The following ASXL1 variants were observed in gnomAD, a reference collection of about 807,000 sequenced individuals.
The protein encoded by ASXL1 is polycomb group protein ASXL1.
Under a neutral mutation model 89.1 loss-of-function variants are expected in ASXL1, and 65 were observed. The ratio of observed to expected loss-of-function variants is 0.73; its 90% CI spans 0.60 to 0.90. The LOEUF (loss-of-function observed/expected upper bound fraction) is 0.90. Ranked by LOEUF, ASXL1 falls within the 40% of genes least tolerant of loss-of-function variation. The pLI is 0.00. For missense variants in ASXL1, 1,786 were observed against 1,942.9 expected (o/e 0.92, Z 1.52); for synonymous variants, 739 against 746.9 (o/e 0.99, Z 0.17).
chr20:32,381,892 T>C (rs1044914149), intron 4 of ASXL1, among the ~76,000 whole-genome samples: 10 of 151,996 alleles, frequency 6.6e-5, no homozygotes, highest in Non-Finnish European at 1.3e-4. Context: ...TAGAATGTGC[T>C]TTCTTTTTAG....
At chr20:32,432,721 T>C in intron 10 of ASXL1, 159 bp from the exon 11 acceptor site, 1 of 856,296 alleles carries the variant, frequency 1.2e-6, no homozygotes, top group Non-Finnish European at 1.8e-6. Context: ...AGAGTGAATT[T>C]CCCTTATAGT....
At chr20:32,413,398 A>G (rs1361512598) in intron 4 of ASXL1, among the ~76,000 whole-genome samples, 3 of 152,206 alleles carry the variant, frequency 2.0e-5, no homozygotes, top group Non-Finnish European at 4.4e-5. Flanking sequence ...ATTTGTAATC[A>G]TGTTATATTT....
chr20:32,401,467 T>TA (rs911977326), intron 4 of ASXL1, among the ~76,000 whole-genome samples: 1 of 152,040 alleles, frequency 6.6e-6, no homozygotes, highest in African/African-American at 2.4e-5. Flanking sequence ...TCTGTGGTGA[T>TA]ATGTTCTAAG....
intron 10 of ASXL1, 191 bp from the exon 11 acceptor site, chr20:32,432,689 T>C: frequency 1.6e-6 from 1 of 626,168 alleles, no homozygotes; most frequent in Non-Finnish European, 2.7e-6. Context: ...GATCAAGGAG[T>C]TGCTTGGTCT....
At chr20:32,399,747 C>CTTTTTTTTTT (rs369127811) in intron 4 of ASXL1, among the ~76,000 whole-genome samples, 2 of 73,888 alleles carry the variant, frequency 2.7e-5, no homozygotes, top group Non-Finnish European at 4.8e-5. Context: ...ATATTTTACT[C>CTTTTTTTTTT]TTTTTTTTTT....
chr20:32,400,393 TC>T (rs1299862378), intron 4 of ASXL1, among the ~76,000 whole-genome samples: 1 of 152,188 alleles, frequency 6.6e-6, no homozygotes, highest in African/African-American at 2.4e-5. Context: ...AACCGTTGAT[TC>T]CTTTAGGTCT....
chr20:32,365,988 G>T (rs535569436), intron 1 of ASXL1, among the ~76,000 whole-genome samples: 9 of 151,800 alleles, frequency 5.9e-5, no homozygotes, highest in Non-Finnish European at 1.0e-4. Flanking sequence ...GTGTGTGTGT[G>T]TATATATATA....
chr20:32,438,645 C>T lies in ASXL1; in HGVS notation c.*1307C>T, dbSNP rs2012060490. Reference sequence around the variant, plus strand: ...GCTTGCTGCCATATGTGACAAATCACCACCACCAGTGTTAAGTGCTTCTGG... The same window carrying T: ...GCTTGCTGCCATATGTGACAAATCATCACCACCAGTGTTAAGTGCTTCTGG... On this transcript the variant is annotated 3_prime_UTR_variant, in exon 13 of 13. Transcript: ENST00000375687. The T allele has an allele frequency of 4.3e-6, 1 of 233,576 alleles. No individual in the cohort carries two copies. The highest frequency in any genetic ancestry group is 8.5e-6 in the Non-Finnish European group (1 of 118,020). 14.5% of individuals were successfully genotyped at this position (233,576 alleles called of 1,614,324 possible).
chr20:32,405,492 A>G (rs1436423985), intron 4 of ASXL1, among the ~76,000 whole-genome samples: 1 of 152,184 alleles, frequency 6.6e-6, no homozygotes, highest in Non-Finnish European at 1.5e-5. Flanking sequence ...ACACTGAGTC[A>G]TTATTACCAT....
intron 4 of ASXL1, among the ~76,000 whole-genome samples, chr20:32,403,587 A>G (rs548738000): frequency 8.6e-5 from 13 of 151,736 alleles, no homozygotes; most frequent in Admixed American, 2.6e-4. Flanking sequence ...GCTAATTTTT[A>G]CTTTTTTTGT....
chr20:32,421,870 T>TC lies in ASXL1; in HGVS notation c.253-6258_253-6257insC, dbSNP rs199726995. Among the ~76,000 whole-genome samples, 1,125 of 129,458 alleles carry TC rather than the reference T, an allele frequency of 8.7e-3. 44 individuals are homozygous for TC. Among genetic ancestry groups the TC allele is most frequent in the Admixed American group, 0.061 (822 of 13,408 alleles). 84.9% of individuals were successfully genotyped at this position (129,458 alleles called of 152,430 possible). ...GTGAGAGGGGTGGTTTCTTTTCTTT[T>TC]TTTTTTTTTTTTTTTTGAGACGGAG... On this transcript the variant is annotated intron_variant, in intron 4 of 12. Transcript: ENST00000375687.
chr20:32,397,208 C>CT (rs375250828), intron 4 of ASXL1, among the ~76,000 whole-genome samples: 289 of 24,954 alleles, frequency 0.012, 24 homozygotes, highest in South Asian at 0.05. Flanking sequence ...CCATGCCTGG[C>CT]CTTTTTTTTT....
At chr20:32,417,209 A>G (rs2049153460) in intron 4 of ASXL1, among the ~76,000 whole-genome samples, 1 of 152,222 alleles carries the variant, frequency 6.6e-6, no homozygotes. Context: ...TGCATATATT[A>G]ACATTCTAAA....
chr20:32,413,962 C>T (rs1201656059), intron 4 of ASXL1, among the ~76,000 whole-genome samples: 1 of 152,148 alleles, frequency 6.6e-6, no homozygotes, highest in Non-Finnish European at 1.5e-5. Context: ...TTCTGTGTTC[C>T]ACACTAGATT....
At chr20:32,388,042 T>G (rs1024148567) in intron 4 of ASXL1, among the ~76,000 whole-genome samples, 1 of 152,202 alleles carries the variant, frequency 6.6e-6, no homozygotes, top group African/African-American at 2.4e-5. Context: ...AGAATATATC[T>G]CATTTTATCA....
chr20:32,414,767 G>C (rs1430685190), intron 4 of ASXL1, among the ~76,000 whole-genome samples: 1 of 152,180 alleles, frequency 6.6e-6, no homozygotes, highest in Non-Finnish European at 1.5e-5. Context: ...GTGATAGAGG[G>C]TGGGGACCTA....
intron 4 of ASXL1, among the ~76,000 whole-genome samples, chr20:32,390,340 T>A (rs2048650306): frequency 6.6e-6 from 1 of 152,184 alleles, no homozygotes; most frequent in South Asian, 2.1e-4. Flanking sequence ...TAAGTCAGGG[T>A]ATGCTGTATA....
rs1466653666 is a variant in ASXL1 at position 32,411,465 on chromosome 20, C to T, written c.253-16663C>T. ...TGTCTCTCCAACTCCTGGCCTCAAG[C>T]GATCCACCCGCCTCAGCCTCCCAAA... On this transcript the variant is annotated intron_variant, in intron 4 of 12. Transcript: ENST00000375687. 3.4e-5 allele frequency among the ~76,000 whole-genome samples: 5 copies of T among 148,788 alleles called. No homozygotes were observed. In the East Asian group the frequency reaches 6.0e-4, roughly 18 times the overall value.
intron 4 of ASXL1, among the ~76,000 whole-genome samples, chr20:32,419,837 G>A (rs748701823): frequency 2.0e-5 from 3 of 151,672 alleles, no homozygotes; most frequent in African/African-American, 4.8e-5. Flanking sequence ...GCGCTACCAC[G>A]CCGGGCTAAT....
Sources: gnomAD v4.1 joint callset for allele counts (sites outside exome capture counted in the v4.1 genomes callset) on GRCh38, gnomAD v4.1.1 for gene constraint, MANE v1.5 for transcripts, NCBI Gene and HGNC (gene_info 2026-07-23, HGNC 2026-07-21) for gene names.